Variants in USP39 observed in about 807,000 individuals in gnomAD.
USP39 encodes the protein ubiquitin carboxyl-terminal hydrolase 39.
In USP39, 38 loss-of-function variants were observed where a neutral mutation model predicts 66.4. The observed-to-expected ratio is 0.57, with a 90% CI of 0.44 to 0.75. The LOEUF (loss-of-function observed/expected upper bound fraction) is 0.75. USP39 is among the 30% of genes least tolerant of loss of function. The pLI, the probability that USP39 is intolerant of heterozygous loss-of-function variation, is 0.00. For synonymous variants in USP39, 303 were observed against 274.6 expected (o/e 1.10, Z -1.02); for missense variants, 608 against 714.4 (o/e 0.85, Z 1.70).
rs1233866690 is a variant in USP39 at position 85,641,025 on chromosome 2, A to G, written c.1334A>G (p.Lys445Arg). The G allele has an allele frequency of 3.1e-6, 5 of 1,613,880 alleles. No individual in the cohort carries two copies. The highest frequency in any genetic ancestry group is 4.2e-6 in the Non-Finnish European group (5 of 1,179,948). The change falls in exon 10 of 13, where the codon AAG (lysine) becomes AGG (arginine). Residue 445 changes from lysine to arginine, a missense_variant. This residue lies in a region of USP39 where 164 missense variants were observed against 250.3 expected (regional missense o/e 0.66). Transcript: ENST00000323701. Reference sequence around the variant, plus strand: ...TTTCTGAAGCGCTTCCAGCTTACCAAGTTGCCTCCATATCTAATCTTTTGT... The same window carrying G: ...TTTCTGAAGCGCTTCCAGCTTACCAGGTTGCCTCCATATCTAATCTTTTGT... ...ENFLKRFQLT[K>R]LPPYLIFCIK...
chr2:85,648,906 C>G lies in USP39; in HGVS notation c.*98C>G. On this transcript the variant is annotated 3_prime_UTR_variant, in exon 13 of 13. Transcript: ENST00000323701. ...GAACACAGGCTGGCTGGTGGGCTTC[C>G]TAGGCCAGCCCAGCTTGTATGGGTT... The G allele has an allele frequency of 6.9e-7, 1 of 1,443,762 alleles. No individual in the cohort carries two copies. Among genetic ancestry groups the G allele is most frequent in the Non-Finnish European group, 9.7e-7 (1 of 1,035,194 alleles). 89.4% of individuals were successfully genotyped at this position (1,443,762 alleles called of 1,614,324 possible).
chr2:85,605,804 C>A (rs1673191617), intron 1 of USP39, among the ~76,000 whole-genome samples: 2 of 152,342 alleles, frequency 1.3e-5, no homozygotes, highest in South Asian at 4.1e-4. Context: ...GGGCCAATCT[C>A]TAGTTGACAG....
upstream of USP39, chr2:85,610,315 C>G (rs554281759): frequency 6.6e-6 from 1 of 152,348 alleles, no homozygotes; most frequent in East Asian, 1.9e-4. Context: ...GCGCCCGGAC[C>G]AGTGTAAGCA....
At chr2:85,641,165 T>G in intron 10 of USP39, 47 bp downstream of exon 10, 1 of 1,604,184 alleles carries the variant, frequency 6.2e-7, no homozygotes, top group Admixed American at 1.7e-5. Context: ...TGAACCTGGA[T>G]TTCTTCTCTT....
intron 6 of USP39, among the ~76,000 whole-genome samples, chr2:85,635,191 T>C (rs1573432722): frequency 6.6e-6 from 1 of 152,182 alleles, no homozygotes; most frequent in African/African-American, 2.4e-5. Flanking sequence ...GAGGAAGATA[T>C]ACTATAGTCT....
chr2:85,612,823 G>T (rs977894705), upstream of USP39, among the ~76,000 whole-genome samples: 3 of 151,984 alleles, frequency 2.0e-5, no homozygotes, highest in Non-Finnish European at 4.4e-5. Flanking sequence ...ACCACGCCCG[G>T]CTAAGTTTTG....
In USP39 at chr2:85,634,436, T is replaced by C. The variant is rs907664251; in HGVS notation, c.950-1617T>C. On this transcript the variant is annotated intron_variant, in intron 6 of 12. Coordinates refer to ENST00000323701, the MANE Select transcript of USP39 (RefSeq NM_006590.4). The stretch of plus-strand genomic sequence containing the variant: ...AAAAAATGTAAAAGTTAGCCGGGCA[T>C]GATGGCACACGCCTGTAGTCCCAGC... 2.6e-5 allele frequency among the ~76,000 whole-genome samples: 4 copies of C among 152,216 alleles called. No homozygotes were observed. In the East Asian group the frequency reaches 5.8e-4, roughly 22 times the overall value.
chr2:85,629,607 C>T (rs1161402573), intron 5 of USP39, among the ~76,000 whole-genome samples: 1 of 149,324 alleles, frequency 6.7e-6, no homozygotes, highest in Non-Finnish European at 1.5e-5. Context: ...AGTGATTCTT[C>T]TGCCTCAGCC....
upstream of USP39, among the ~76,000 whole-genome samples, chr2:85,613,198 G>GA (rs970382928): frequency 4.0e-5 from 6 of 151,648 alleles, no homozygotes; most frequent in African/African-American, 9.7e-5. Context: ...GTCTCTACAA[G>GA]AAAAAAATAC....
At chr2:85,619,472 A>G (rs761752238) in intron 2 of USP39, among the ~76,000 whole-genome samples, 183 bp downstream of exon 2, 71 of 151,690 alleles carry the variant, frequency 4.7e-4, no homozygotes, top group Non-Finnish European at 9.0e-4. Flanking sequence ...ACATGTTGTT[A>G]AAGAGCTTAT....
At chr2:85,607,351 TA>T (rs1401513615), upstream of USP39, 2 of 152,132 alleles carry the variant, frequency 1.3e-5, no homozygotes, top group Admixed American at 6.5e-5. Flanking sequence ...TAGTTAACAT[TA>T]GAAGTCAAAA....
At chr2:85,612,343 T>A, upstream of USP39, 2 of 1,536,116 alleles carry the variant, frequency 1.3e-6, no homozygotes, top group Non-Finnish European at 1.7e-6. Context: ...CGGCGGTGCC[T>A]TCCCATCTTT....
At chr2:85,622,369 C>G (rs1320013921) in intron 3 of USP39, among the ~76,000 whole-genome samples, 3 of 147,834 alleles carry the variant, frequency 2.0e-5, no homozygotes, top group Non-Finnish European at 4.5e-5. Flanking sequence ...GTGATCCATA[C>G]TCCTCAGCCT....
chr2:85,616,325 C>T lies in USP39; in HGVS notation c.130C>T (p.Arg44Trp), dbSNP rs768850385. The change falls in exon 1 of 13, where the codon CGG (arginine) becomes TGG (tryptophan). Residue 44 changes from arginine to tryptophan, a missense_variant. Arg to Trp is a moderately radical substitution (Grantham distance 101). Coordinates refer to ENST00000323701, the MANE Select transcript of USP39 (RefSeq NM_006590.4). ...GCGGGAGCCTGAGGCGGCGAGCTCC[C>T]GGGGCAGCCCTGTGCGCGTGAAGCG... ...REREPEAASSRGSPVRVKREF... is the reference protein window; with the variant it reads ...REREPEAASSWGSPVRVKREF... The T allele has an allele frequency of 1.3e-6, 2 of 1,587,830 alleles. No homozygotes were observed. Among genetic ancestry groups the T allele is most frequent in the Admixed American group, 1.7e-5 (1 of 57,794 alleles).
At chr2:85,621,461 T>C in intron 2 of USP39, 24 bp from the exon 3 acceptor site, 1 of 1,607,840 alleles carries the variant, frequency 6.2e-7, no homozygotes, top group South Asian at 1.1e-5. Context: ...ATCCTATTTA[T>C]TTTTTTCTGT....
At chr2:85,643,501 A>G (rs1676409961) in intron 10 of USP39, among the ~76,000 whole-genome samples, 1 of 152,044 alleles carries the variant, frequency 6.6e-6, no homozygotes, top group Non-Finnish European at 1.5e-5. Context: ...CTCAAAAAAA[A>G]AAAAGACTTC....
At chr2:85,639,089 CTTCTCTTTG>C in intron 8 of USP39, 105 bp from the exon 9 acceptor site, 1 of 1,128,308 alleles carries the variant, frequency 8.9e-7, no homozygotes, top group Non-Finnish European at 1.2e-6. Context: ...CTCTCGGGCA[CTTCTCTTTG>C]TTCTTTCAGA....
chr2:85,609,093 T>G, upstream of USP39: 1 of 1,612,892 alleles, frequency 6.2e-7, no homozygotes, highest in South Asian at 1.1e-5. Context: ...GTCAGAAGGC[T>G]CAGGGCCTGG....
intron 2 of USP39, 32 bp from the exon 3 acceptor site, chr2:85,621,452 TC>T (rs2104244210): frequency 6.3e-7 from 1 of 1,595,404 alleles, no homozygotes; most frequent in Non-Finnish European, 8.6e-7. Flanking sequence ...TACATGTCCA[TC>T]CTATTTATTT....
Sources: gnomAD v4.1 joint callset for allele counts (sites outside exome capture counted in the v4.1 genomes callset) on GRCh38, gnomAD v4.1.1 for gene constraint, gnomAD v4.1.1 regional missense constraint, MANE v1.5 for transcripts, NCBI Gene and HGNC (gene_info 2026-07-23, HGNC 2026-07-21) for gene names.